Variants in SASH1 observed in about 807,000 individuals in gnomAD.
The protein encoded by SASH1 is SAM and SH3 domain containing 1.
In SASH1, 44 loss-of-function variants were observed where a neutral mutation model predicts 125.2. That is an observed-to-expected ratio of 0.35 (90% CI 0.28 to 0.45). The LOEUF is 0.45. Ranked by LOEUF, SASH1 falls within the 20% of genes least tolerant of loss-of-function variation. SASH1 has a pLI of 1.00. For synonymous variants in SASH1, 639 were observed against 649.1 expected (o/e 0.98, Z 0.24); for missense variants, 1,426 against 1,614.5 (o/e 0.88, Z 2.00).
At chr6:148,377,175 A>C (rs1782938136) in intron 1 of SASH1, among the ~76,000 whole-genome samples, 1 of 64,164 alleles carries the variant, frequency 1.6e-5, no homozygotes, top group Admixed American at 1.9e-4. Flanking sequence ...GTCTCAAAAA[A>C]AAAAAAAACA....
At chr6:148,434,630 A>C (rs1776219696) in intron 2 of SASH1, among the ~76,000 whole-genome samples, 1 of 152,192 alleles carries the variant, frequency 6.6e-6, no homozygotes, top group Non-Finnish European at 1.5e-5. Context: ...TTCTTAACTA[A>C]GGTATCCATA....
At chr6:148,249,899 T>C in the SASH1 span, among the ~76,000 whole-genome samples, 6,413 of 152,280 alleles carry the variant, frequency 0.042, 184 homozygotes, top group Non-Finnish European at 0.059. Flanking sequence ...CCTAAGTGCT[T>C]TACATTCATT....
At chr6:148,402,707 C>T (rs902406341) in intron 2 of SASH1, among the ~76,000 whole-genome samples, 20 of 152,080 alleles carry the variant, frequency 1.3e-4, no homozygotes, top group South Asian at 4.2e-4. Flanking sequence ...CTCCGCCTCC[C>T]GGGTTCACAC....
chr6:148,468,518 G>A (rs1777952377), intron 4 of SASH1, 27 bp from the exon 5 acceptor site: 1 of 1,591,434 alleles, frequency 6.3e-7, no homozygotes. Context: ...AGGCTCTCTG[G>A]TAATCTGATT....
chr6:148,266,646 G>A, the SASH1 span, among the ~76,000 whole-genome samples: 29 of 152,248 alleles, frequency 1.9e-4, no homozygotes, highest in African/African-American at 7.0e-4. Context: ...TATTGCCTAG[G>A]CTAGAGTTCA....
At chr6:148,480,941 C>T (rs1007116967) in intron 7 of SASH1, among the ~76,000 whole-genome samples, 1 of 151,818 alleles carries the variant, frequency 6.6e-6, no homozygotes, top group Non-Finnish European at 1.5e-5. Context: ...CATCTAATGG[C>T]ATTAACAGAC....
At chr6:148,424,223 G>C (rs951864247) in intron 2 of SASH1, among the ~76,000 whole-genome samples, 9 of 148,632 alleles carry the variant, frequency 6.1e-5, no homozygotes, top group Non-Finnish European at 8.9e-5. Flanking sequence ...ACGGTGTCTT[G>C]TTCTTCTTCT....
chr6:148,538,656 C>T (rs535208508), intron 16 of SASH1, among the ~76,000 whole-genome samples: 14 of 152,254 alleles, frequency 9.2e-5, no homozygotes, highest in South Asian at 4.1e-4. Context: ...ATGCTTTCCC[C>T]GTGAGAAATG....
At position 148,534,901 on chromosome 6, in the gene SASH1, A is replaced by G. The variant is rs202027615; in HGVS notation, c.2095A>G (p.Ser699Gly). 5.6e-6 allele frequency: 9 copies of G among 1,614,104 alleles called. No homozygotes were observed. The highest frequency in any genetic ancestry group is 7.6e-6 in the Non-Finnish European group (9 of 1,179,952). ...AGTGGAGCTGTTACAAGAGTATGAC[A>G]GTAAGTCCCTGTATGCACAGAGGTG... ...TAVELLQEYD[S>G]NSDQSGSQEK... The change falls in exon 16 of 20, where the codon AGT (serine) becomes GGT (glycine). Residue 699 changes from serine (S) to glycine (G), a missense_variant and splice_region_variant. Physicochemically the swap from Ser to Gly is moderately conservative, Grantham distance 56. Around this residue, in one of 3 missense-constraint regions of SASH1, gnomAD observed 225 missense variants for 344.5 expected, o/e 0.65. Transcript: ENST00000367467.
At chr6:148,539,352 C>A (rs1284660049) in intron 16 of SASH1, among the ~76,000 whole-genome samples, 1 of 149,480 alleles carries the variant, frequency 6.7e-6, no homozygotes, top group East Asian at 1.9e-4. Context: ...TCCCTAGACT[C>A]CCCCCACCCT....
chr6:148,304,451 G>GAA (rs145041781), intron 1 of SASH1, among the ~76,000 whole-genome samples: 3 of 108,582 alleles, frequency 2.8e-5, no homozygotes, highest in Non-Finnish European at 3.7e-5. Flanking sequence ...AAAAAGAAAA[G>GAA]AAAAAAAAAA....
intron 4 of SASH1, among the ~76,000 whole-genome samples, chr6:148,449,072 TCA>T (rs1562419980): frequency 4.1e-5 from 5 of 120,630 alleles, no homozygotes; most frequent in Admixed American, 8.7e-5. Context: ...TAATTTCATT[TCA>T]TTTCTTTTTT....
At chr6:148,295,543 C>T (rs1355842632) in intron 1 of SASH1, among the ~76,000 whole-genome samples, 1 of 152,180 alleles carries the variant, frequency 6.6e-6, no homozygotes, top group Non-Finnish European at 1.5e-5. Context: ...TGGAGAAAAA[C>T]AGAAACAAGT....
the SASH1 span, among the ~76,000 whole-genome samples, chr6:148,212,403 G>C: frequency 6.6e-6 from 1 of 152,198 alleles, no homozygotes; most frequent in South Asian, 2.1e-4. Flanking sequence ...GGGGGCTGAA[G>C]AAAGTAGGAT....
At chr6:148,204,478 G>T in the SASH1 span, among the ~76,000 whole-genome samples, 39 of 152,228 alleles carry the variant, frequency 2.6e-4, 1 homozygote, top group South Asian at 8.1e-3. Flanking sequence ...GATCTCCTGA[G>T]GTCAGGAGTT....
At chr6:148,445,360 T>C (rs1449895733) in intron 4 of SASH1, among the ~76,000 whole-genome samples, 1 of 152,210 alleles carries the variant, frequency 6.6e-6, no homozygotes, top group Non-Finnish European at 1.5e-5. Context: ...GCTTTATTGC[T>C]CAATCTCGGA....
chr6:148,388,701 C>T (rs904548123), intron 1 of SASH1, among the ~76,000 whole-genome samples: 2 of 152,186 alleles, frequency 1.3e-5, no homozygotes, highest in Non-Finnish European at 2.9e-5. Context: ...GCCTGCTGAC[C>T]AGGGTGTAGG....
chr6:148,417,922 A>T (rs1784894069), intron 2 of SASH1, among the ~76,000 whole-genome samples: 2 of 152,230 alleles, frequency 1.3e-5, no homozygotes, highest in Non-Finnish European at 2.9e-5. Flanking sequence ...GATGATGGTT[A>T]TGATGAACCA....
At chr6:148,248,118 A>C in the SASH1 span, among the ~76,000 whole-genome samples, 1 of 152,220 alleles carries the variant, frequency 6.6e-6, no homozygotes, top group African/African-American at 2.4e-5. Flanking sequence ...CGAAATATTT[A>C]ACATTTCTTT....
Sources: allele counts gnomAD v4.1 joint callset (sites outside exome capture counted in the v4.1 genomes callset), GRCh38; gene constraint gnomAD v4.1.1; regional missense constraint gnomAD v4.1.1; transcripts MANE v1.5; gene names NCBI Gene and HGNC (gene_info 2026-07-23, HGNC 2026-07-21).